CYP19A1: variants seen among roughly 807,000 people sequenced by gnomAD.
The protein encoded by CYP19A1 is cytochrome P450 family 19 subfamily A member 1.
CYP19A1 carries 32 observed loss-of-function variants against 44.4 expected under a neutral mutation model. That is an observed-to-expected ratio of 0.72 (90% CI 0.54 to 0.97). The LOEUF (loss-of-function observed/expected upper bound fraction) is 0.97. Among genes scored for constraint, CYP19A1 ranks in the 50% least tolerant of loss-of-function variants. The pLI, the probability that CYP19A1 is intolerant of heterozygous loss-of-function variation, is 0.00. For missense variants in CYP19A1, 598 were observed against 637.8 expected, an observed-to-expected ratio of 0.94 and a Z score of 0.67; for synonymous variants, 212 against 215.6, an observed-to-expected ratio of 0.98 and a Z score of 0.14.
At chr15:51,239,431 G>A (rs551113186) in intron 2 of CYP19A1, among the ~76,000 whole-genome samples, 125 of 152,064 alleles carry the variant, frequency 8.2e-4, no homozygotes, top group Non-Finnish European at 1.6e-3. Flanking sequence ...TAAACCATGA[G>A]ATATTTATAT....
intron 5 of CYP19A1, 127 bp from the exon 6 acceptor site, chr15:51,218,782 G>A: frequency 1.3e-6 from 2 of 1,498,658 alleles, no homozygotes; most frequent in South Asian, 1.3e-5. Context: ...TCTAAGCTCA[G>A]CAAGATTCCA....
intron 1 of CYP19A1, among the ~76,000 whole-genome samples, chr15:51,335,705 G>A (rs901441448): frequency 6.6e-6 from 1 of 152,216 alleles, no homozygotes; most frequent in African/African-American, 2.4e-5. Flanking sequence ...AGTCTTGGCA[G>A]TAAAAGGTAA....
chr15:51,215,926 T>C (rs958629541), intron 6 of CYP19A1, 109 bp from the exon 7 acceptor site: 46 of 1,558,692 alleles, frequency 3.0e-5, no homozygotes, highest in Non-Finnish European at 4.0e-5. Flanking sequence ...ATTGAAAACA[T>C]TGGTGCTTAT....
intron 1 of CYP19A1, among the ~76,000 whole-genome samples, chr15:51,307,342 C>A (rs1470312151): frequency 1.3e-5 from 2 of 152,166 alleles, no homozygotes; most frequent in East Asian, 3.9e-4. Flanking sequence ...CTATTGATGT[C>A]ACAAGGCTTC....
Position 51,269,547 on chromosome 15 carries a change from AAAC to A in CYP19A1, c.-38-26600_-38-26598del, listed in dbSNP as rs997376327. On this transcript the variant is annotated intron_variant, in intron 1 of 9. Transcript: ENST00000396402. ...GAGGTGGACTGCTCAAATCTCCTTA[AAAC>A]AACAACAACTACCACTACTACTACT... Among the ~76,000 whole-genome samples, 170 of 152,182 alleles carry A rather than the reference AAAC, an allele frequency of 1.1e-3. 1 individual carries two copies. The highest frequency in any genetic ancestry group is 3.8e-3 in the African/African-American group (156 of 41,498).
intron 1 of CYP19A1, among the ~76,000 whole-genome samples, chr15:51,334,806 A>G (rs2036752309): frequency 6.6e-6 from 1 of 152,186 alleles, no homozygotes; most frequent in South Asian, 2.1e-4. Flanking sequence ...CTGGCTGCAG[A>G]GATTAAGATT....
intron 1 of CYP19A1, among the ~76,000 whole-genome samples, chr15:51,243,965 T>C (rs1250899259): frequency 6.6e-6 from 1 of 152,164 alleles, no homozygotes; most frequent in African/African-American, 2.4e-5. Context: ...GAGTGAGTCA[T>C]CATTAAATGC....
intron 1 of CYP19A1, among the ~76,000 whole-genome samples, chr15:51,270,223 T>A (rs2414100): frequency 0.44 from 66,123 of 151,536 alleles, 14,564 homozygotes; most frequent in African/African-American, 0.46. Context: ...TTGTTTTAAA[T>A]TTTTTATGTT....
At chr15:51,326,435 G>C (rs1255915858) in intron 1 of CYP19A1, among the ~76,000 whole-genome samples, 1 of 152,208 alleles carries the variant, frequency 6.6e-6, no homozygotes, top group Non-Finnish European at 1.5e-5. Flanking sequence ...TACAGTTAAA[G>C]AATTCTTGCT....
chr15:51,314,290 C>G (rs2036378962), intron 1 of CYP19A1, among the ~76,000 whole-genome samples: 1 of 152,064 alleles, frequency 6.6e-6, no homozygotes, highest in African/African-American at 2.4e-5. Context: ...GGGGACTAGA[C>G]CACAGCAGGA....
chr15:51,271,103 TCA>T (rs2035110972), intron 1 of CYP19A1, among the ~76,000 whole-genome samples: 1 of 152,136 alleles, frequency 6.6e-6, no homozygotes, highest in Non-Finnish European at 1.5e-5. Context: ...ACCACGTGGC[TCA>T]GTTTGTTTCT....
At chr15:51,213,950 G>A (rs528155165) in intron 8 of CYP19A1, among the ~76,000 whole-genome samples, 5 of 152,324 alleles carry the variant, frequency 3.3e-5, no homozygotes, top group Admixed American at 3.3e-4. Context: ...TTGGATTCCA[G>A]ATGTTATTCT....
intron 1 of CYP19A1, among the ~76,000 whole-genome samples, chr15:51,306,119 G>A (rs1308796278): frequency 6.6e-6 from 1 of 152,142 alleles, no homozygotes; most frequent in Non-Finnish European, 1.5e-5. Flanking sequence ...TAAACCCAAA[G>A]TCTCCTTTAT....
chr15:51,318,070 T>G (rs888692766), intron 1 of CYP19A1, among the ~76,000 whole-genome samples: 5 of 152,128 alleles, frequency 3.3e-5, no homozygotes, highest in African/African-American at 1.2e-4. Context: ...CTCAGAGCAC[T>G]CTCCCTGGGC....
chr15:51,294,641 GC>G (rs1408871136), intron 1 of CYP19A1, among the ~76,000 whole-genome samples: 123 of 136,202 alleles, frequency 9.0e-4, no homozygotes, highest in Non-Finnish European at 1.6e-3. Flanking sequence ...GGGGGGGTCA[GC>G]CCCCCGCCCG....
At chr15:51,286,123 GCCTGATCCAACTCT>G (rs2035690944) in intron 1 of CYP19A1, among the ~76,000 whole-genome samples, 2 of 152,072 alleles carry the variant, frequency 1.3e-5, no homozygotes, top group South Asian at 4.1e-4. Context: ...CCCGCAATGG[GCCTGATCCAACTCT>G]CCAGGAGAAG....
chr15:51,317,465 A>G (rs1056790706), intron 1 of CYP19A1, among the ~76,000 whole-genome samples: 1 of 152,186 alleles, frequency 6.6e-6, no homozygotes, highest in African/African-American at 2.4e-5. Flanking sequence ...TCCTGCCCCA[A>G]ACCTAATCCT....
intron 1 of CYP19A1, among the ~76,000 whole-genome samples, chr15:51,276,136 T>G (rs2140962222): frequency 6.6e-6 from 1 of 152,316 alleles, no homozygotes; most frequent in South Asian, 2.1e-4. Flanking sequence ...TGTGTGTGAA[T>G]GTAAGTGCGT....
rs530920886 is a variant in CYP19A1 at position 51,305,855 on chromosome 15, GCCAC to G, written c.-39+32636_-39+32639del. 1.7e-4 allele frequency among the ~76,000 whole-genome samples: 26 copies of G among 152,210 alleles called. No individual in the cohort carries two copies. In the East Asian group the frequency reaches 4.8e-3, roughly 28 times the overall value. ...GGGTTACAAGCATGAGCCACTGCGCGCCACCTTGTATTGCTTTAAATTAATAAGC... is the reference window on the plus strand; with the variant it reads ...GGGTTACAAGCATGAGCCACTGCGCGCTTGTATTGCTTTAAATTAATAAGC... On this transcript the variant is annotated intron_variant, in intron 1 of 9. Coordinates refer to ENST00000396402, the MANE Select transcript of CYP19A1 (RefSeq NM_000103.4).
Sources: gnomAD v4.1 joint callset for allele counts (sites outside exome capture counted in the v4.1 genomes callset) on GRCh38, gnomAD v4.1.1 for gene constraint, MANE v1.5 for transcripts, NCBI Gene and HGNC (gene_info 2026-07-23, HGNC 2026-07-21) for gene names.